Variants in JMJD1C observed in about 807,000 individuals in gnomAD.
The protein encoded by JMJD1C is jumonji domain containing 1C, also known as jumonji domain-containing protein 1C.
In JMJD1C, 31 loss-of-function variants were observed where a neutral mutation model predicts 245.3. The ratio of observed to expected loss-of-function variants is 0.13; its 90% CI spans 0.09 to 0.17. The LOEUF (loss-of-function observed/expected upper bound fraction) is 0.17. Ranked by LOEUF, JMJD1C falls within the 10% of genes least tolerant of loss-of-function variation. JMJD1C has a pLI of 1.00. For synonymous variants in JMJD1C, 1,057 were observed against 1,017.4 expected (o/e 1.04, Z -0.74); for missense variants, 2,691 against 3,000.2 (o/e 0.90, Z 2.41).
chr10:63,168,453 A>G lies in JMJD1C; in HGVS notation c.7515T>C (p.Asn2505=), dbSNP rs1842050183. ...CTCTTACCTGTAGTTTATCATCATA[A>G]TTGATTTCTTCCTTCAAAAGTCTCA... is the stretch of plus-strand genomic sequence containing the variant. ...QELRLLKEEI[N]YDDKLQVKNI... Residue 2505 remains asparagine (N), a synonymous_variant, in exon 25 of 26, where the codon AAT becomes AAC. Coordinates refer to ENST00000399262, the MANE Select transcript of JMJD1C (RefSeq NM_032776.3). The G allele has an allele frequency of 6.2e-7, 1 of 1,608,612 alleles. No homozygotes were observed. The highest frequency in any genetic ancestry group is 2.2e-5 in the East Asian group (1 of 44,700).
At chr10:63,248,750 A>G (rs1852632953) in intron 3 of JMJD1C, among the ~76,000 whole-genome samples, 1 of 152,168 alleles carries the variant, frequency 6.6e-6, no homozygotes, top group Non-Finnish European at 1.5e-5. Flanking sequence ...AAATAAAATC[A>G]ATATATCAAA....
intron 2 of JMJD1C, among the ~76,000 whole-genome samples, chr10:63,269,704 A>AT (rs1016114946): frequency 6.6e-6 from 1 of 152,194 alleles, no homozygotes; most frequent in African/African-American, 2.4e-5. Context: ...AAAACTGGTA[A>AT]TATTTATTTT....
intron 1 of JMJD1C, among the ~76,000 whole-genome samples, chr10:63,428,715 A>C (rs997690021): frequency 9.2e-5 from 14 of 152,238 alleles, no homozygotes; most frequent in Admixed American, 7.9e-4. Flanking sequence ...AAAAACAATA[A>C]GGGCAAGAAA....
Position 63,315,506 on chromosome 10 carries a change from G to T in JMJD1C, c.334-50742C>A, listed in dbSNP as rs747918241. Among the ~76,000 whole-genome samples, 40 of 152,050 alleles carry T rather than the reference G, an allele frequency of 2.6e-4. 1 individual carries two copies. The highest frequency in any genetic ancestry group is 4.4e-5 in the Non-Finnish European group (3 of 68,006). ...AATCCACTCAGTTTTTATTTGCCTG[G>T]AAGTTTTTTTCTCTTCACTTTTGAA... On this transcript the variant is annotated intron_variant, in intron 2 of 25. Transcript: ENST00000399262.
chr10:63,201,886 C>A (rs942579556), intron 10 of JMJD1C, among the ~76,000 whole-genome samples: 1 of 148,656 alleles, frequency 6.7e-6, no homozygotes, highest in South Asian at 2.1e-4. Flanking sequence ...GCCAACATTG[C>A]GCCACTGCAC....
At chr10:63,258,012 A>T (rs578248403) in intron 3 of JMJD1C, among the ~76,000 whole-genome samples, 7 of 152,290 alleles carry the variant, frequency 4.6e-5, no homozygotes, top group Admixed American at 6.5e-5. Flanking sequence ...AGAAATAGTC[A>T]ATGAGTGTGT....
At chr10:63,189,561 T>G (rs2306261) in intron 17 of JMJD1C, 115 bp from the exon 18 acceptor site, 29,858 of 821,948 alleles carry the variant, frequency 0.036, 1,513 homozygotes, top group East Asian at 0.23. Flanking sequence ...CAATATGCAC[T>G]TCTCTTAGAT....
intron 2 of JMJD1C, among the ~76,000 whole-genome samples, chr10:63,372,240 A>G (rs1396206575): frequency 6.6e-6 from 1 of 152,202 alleles, no homozygotes; most frequent in Non-Finnish European, 1.5e-5. Context: ...TTGAACCAGA[A>G]TTGCCTATCT....
chr10:63,171,698 A>T (rs934086500), intron 24 of JMJD1C, among the ~76,000 whole-genome samples: 3 of 143,710 alleles, frequency 2.1e-5, no homozygotes, highest in Admixed American at 1.3e-4. Context: ...GACCCATTGA[A>T]ATCAGAAACT....
intron 2 of JMJD1C, chr10:63,269,363 G>C (rs1183630469): frequency 9.1e-6 from 2 of 220,098 alleles, no homozygotes; most frequent in Non-Finnish European, 1.5e-5. Context: ...TGCGGCCATA[G>C]AGACTGGCTC....
intron 2 of JMJD1C, among the ~76,000 whole-genome samples, chr10:63,305,366 CA>C (rs758005863): frequency 2.8e-5 from 3 of 106,604 alleles, no homozygotes; most frequent in Admixed American, 1.9e-4. Flanking sequence ...GACTCCACCT[CA>C]AAAAAAAAAC....
At chr10:63,309,811 G>C (rs895011680) in intron 2 of JMJD1C, among the ~76,000 whole-genome samples, 2 of 152,134 alleles carry the variant, frequency 1.3e-5, no homozygotes, top group African/African-American at 4.8e-5. Flanking sequence ...CAGCTACTCA[G>C]GAGGCTGAGG....
intron 3 of JMJD1C, among the ~76,000 whole-genome samples, chr10:63,227,349 T>TA (rs1208135491): frequency 6.6e-6 from 1 of 152,162 alleles, no homozygotes; most frequent in African/African-American, 2.4e-5. Context: ...ATGTCACACA[T>TA]AGTCTCATTT....
At chr10:63,281,976 T>C (rs1229372455) in intron 2 of JMJD1C, among the ~76,000 whole-genome samples, 4 of 152,202 alleles carry the variant, frequency 2.6e-5, no homozygotes, top group South Asian at 2.1e-4. Context: ...GAGTAGGACA[T>C]ATACGTTTGC....
intron 24 of JMJD1C, among the ~76,000 whole-genome samples, chr10:63,172,207 A>G (rs764212929): frequency 6.6e-6 from 1 of 152,212 alleles, no homozygotes; most frequent in Non-Finnish European, 1.5e-5. Context: ...TAGATATAAC[A>G]TTTTTTATAG....
At chr10:63,281,020 C>T (rs1157655204) in intron 2 of JMJD1C, among the ~76,000 whole-genome samples, 5 of 149,382 alleles carry the variant, frequency 3.3e-5, no homozygotes, top group Non-Finnish European at 5.9e-5. Flanking sequence ...TGCAGTGGTG[C>T]GATGGGATTT....
intron 2 of JMJD1C, chr10:63,301,630 A>C: frequency 6.1e-6 from 2 of 326,526 alleles, no homozygotes; most frequent in Admixed American, 8.3e-5. Context: ...GGACACAGGG[A>C]AGGAAACATC....
chr10:63,376,507 G>A (rs528969044), intron 2 of JMJD1C, among the ~76,000 whole-genome samples: 1 of 152,004 alleles, frequency 6.6e-6, no homozygotes, highest in Non-Finnish European at 1.5e-5. Flanking sequence ...GAAAGAAAAT[G>A]TTACCAAATC....
chr10:63,356,432 C>T (rs1458699273), intron 2 of JMJD1C, among the ~76,000 whole-genome samples: 2 of 152,204 alleles, frequency 1.3e-5, no homozygotes, highest in East Asian at 3.8e-4. Context: ...CAGACCCTCA[C>T]TGAAGAACAA....
Sources: allele counts gnomAD v4.1 joint callset (sites outside exome capture counted in the v4.1 genomes callset), GRCh38; gene constraint gnomAD v4.1.1; transcripts MANE v1.5; gene names NCBI Gene and HGNC (gene_info 2026-07-23, HGNC 2026-07-21).